Variants in SLC38A4 observed in about 807,000 individuals in gnomAD.
The protein encoded by SLC38A4 is solute carrier family 38 member 4, also known as sodium-coupled neutral amino acid transporter 4.
In SLC38A4, 20 loss-of-function variants were observed where a neutral mutation model predicts 63.1. The ratio of observed to expected loss-of-function variants is 0.32; its 90% confidence interval spans 0.22 to 0.46. SLC38A4 has a LOEUF of 0.46. SLC38A4 is among the 20% of genes least tolerant of loss of function. The pLI is 1.00. For missense variants in SLC38A4, 526 were observed against 663.6 expected, an observed-to-expected ratio of 0.79 and a Z score of 2.28; for synonymous variants, 230 against 225.5, an observed-to-expected ratio of 1.02 and a Z score of -0.18.
upstream of SLC38A4, among the ~76,000 whole-genome samples, chr12:46,826,198 T>C (rs1237240600): frequency 6.6e-6 from 1 of 152,210 alleles, no homozygotes; most frequent in Non-Finnish European, 1.5e-5. Context: ...TGTTATTAAA[T>C]TATGCCAAAA....
chr12:46,802,979 A>G (rs925429590), intron 2 of SLC38A4, among the ~76,000 whole-genome samples: 2 of 152,010 alleles, frequency 1.3e-5, no homozygotes, highest in Admixed American at 6.6e-5. Context: ...ATTCCATTCA[A>G]TTCCCTAGTT....
chr12:46,814,697 G>C (rs184099586), intron 1 of SLC38A4, among the ~76,000 whole-genome samples: 3 of 152,002 alleles, frequency 2.0e-5, no homozygotes, highest in Non-Finnish European at 2.9e-5. Context: ...TAATCATTAT[G>C]AATCAGTGCA....
In SLC38A4 at chr12:46,775,052, G is replaced by C. The variant is rs1938493772; in HGVS notation, c.1296C>G (p.Phe432Leu). ...CATCAAAGTCTTATGTACTTACTGG[G>C]AAGAGGACAATGGGCACAGTTAGTG... ...AVTLTVPIVLFPIRTSVITLL... is the reference protein window; with the variant it reads ...AVTLTVPIVLLPIRTSVITLL... Residue 432 changes from phenylalanine (F) to leucine (L), a missense_variant, in exon 14 of 17, where the codon TTC (phenylalanine) becomes TTG (leucine). Transcript: ENST00000266579. The C allele has an allele frequency of 6.2e-7, 1 of 1,612,208 alleles. No homozygotes were observed. Among genetic ancestry groups the C allele is most frequent in the African/African-American group, 1.3e-5 (1 of 74,802 alleles).
intron 14 of SLC38A4, among the ~76,000 whole-genome samples, chr12:46,773,490 T>A (rs1354010225): frequency 6.6e-5 from 10 of 152,132 alleles, no homozygotes; most frequent in Non-Finnish European, 2.9e-5. Context: ...TTAGTCATTT[T>A]TCTGAACTCT....
chr12:46,774,142 T>C (rs1446412106), intron 14 of SLC38A4, among the ~76,000 whole-genome samples: 2 of 152,086 alleles, frequency 1.3e-5, no homozygotes, highest in East Asian at 1.9e-4. Context: ...TCTGATTTCA[T>C]GCACTCATGA....
chr12:46,784,445 C>G (rs1390559894), intron 7 of SLC38A4, 97 bp downstream of exon 7: 1 of 789,196 alleles, frequency 1.3e-6, no homozygotes, highest in African/African-American at 1.8e-5. Context: ...AGCAATTTTT[C>G]TGTATCTAAA....
At position 46,778,888 on chromosome 12, in the gene SLC38A4, G is replaced by A. The variant is rs1938584192; in HGVS notation, c.718-112C>T. Reference sequence around the variant, plus strand: ...TGGGGGGTGAGGGAACTCAGTTAGGGATTCCTTTTAGACTAATGGACAAAG... The same window carrying A: ...TGGGGGGTGAGGGAACTCAGTTAGGAATTCCTTTTAGACTAATGGACAAAG... On this transcript the variant is annotated intron_variant, in intron 10 of 16. Coordinates refer to ENST00000266579, the MANE Select transcript of SLC38A4 (RefSeq NM_018018.5). 7.4e-6 allele frequency: 7 copies of A among 945,656 alleles called. No individual in the cohort carries two copies. In the South Asian group the frequency reaches 1.2e-4, roughly 16 times the overall value. The allele number at this position is 945,656 out of a possible 1,614,324, so 58.6% of individuals were successfully genotyped here. A position where few individuals can be genotyped will look rare whatever the true frequency, so the allele number is the denominator to read the frequency against.
Position 46,779,556 on chromosome 12 carries a change from C to T in SLC38A4, c.717+55G>A, listed in dbSNP as rs1938596747. ...AACAAAATGAGGACACTAATTTAGGCACAAAAAAACTCATGCTAACCAACC... is the reference window on the plus strand; with the variant it reads ...AACAAAATGAGGACACTAATTTAGGTACAAAAAAACTCATGCTAACCAACC... On this transcript the variant is annotated intron_variant, in intron 10 of 16. Transcript: ENST00000266579. 5.0e-6 allele frequency: 7 copies of T among 1,396,100 alleles called. No homozygotes were observed. In the Admixed American group the frequency reaches 1.3e-4, roughly 27 times the overall value. The allele number at this position is 1,396,100 out of a possible 1,614,324, so 86.5% of individuals were successfully genotyped here.
intron 1 of SLC38A4, among the ~76,000 whole-genome samples, chr12:46,807,575 T>A (rs1016466905): frequency 1.3e-5 from 2 of 152,052 alleles, no homozygotes; most frequent in African/African-American, 2.4e-5. Flanking sequence ...TCTTTTTTGA[T>A]GTCATTGTTT....
intron 12 of SLC38A4, 71 bp from the exon 13 acceptor site, chr12:46,777,075 T>A: frequency 1.6e-6 from 2 of 1,253,998 alleles, no homozygotes; most frequent in Middle Eastern, 1.9e-4. Context: ...AAAATGAAAA[T>A]AATAATAAAA....
At chr12:46,779,756 T>G (rs1486268070) in intron 9 of SLC38A4, 24 bp downstream of exon 9, 1 of 1,589,890 alleles carries the variant, frequency 6.3e-7, no homozygotes, top group Admixed American at 1.8e-5. Flanking sequence ...AATAAAAATA[T>G]TTCCAGTTAG....
intron 3 of SLC38A4, among the ~76,000 whole-genome samples, chr12:46,792,065 GC>G (rs1415391456): frequency 6.6e-6 from 1 of 152,106 alleles, no homozygotes; most frequent in Non-Finnish European, 1.5e-5. Flanking sequence ...GTGCAGAAGG[GC>G]TTTATCTAAG....
At chr12:46,773,386 A>G (rs1938458604) in intron 14 of SLC38A4, among the ~76,000 whole-genome samples, 1 of 152,110 alleles carries the variant, frequency 6.6e-6, no homozygotes. Context: ...CACAGATTAT[A>G]TAAATGTAAC....
chr12:46,831,522 G>C (rs1371901088), intron 1 of SLC38A4, among the ~76,000 whole-genome samples: 3 of 152,174 alleles, frequency 2.0e-5, no homozygotes, highest in African/African-American at 2.4e-5. Flanking sequence ...CGGGCAATCC[G>C]ACCGCGCGGT....
chr12:46,828,048 C>T (rs1261435880), upstream of SLC38A4, among the ~76,000 whole-genome samples: 1 of 152,180 alleles, frequency 6.6e-6, no homozygotes, highest in African/African-American at 2.4e-5. Context: ...CCCCAGCCTC[C>T]TCCCAAGCAT....
intron 1 of SLC38A4, among the ~76,000 whole-genome samples, chr12:46,815,633 ATATTTTAAGGGAATC>A (rs1269705399): frequency 1.3e-5 from 2 of 151,862 alleles, no homozygotes; most frequent in African/African-American, 4.8e-5. Flanking sequence ...TAGGCACACA[ATATTTTAAGGGAATC>A]TATTCATAAG....
At chr12:46,781,628 A>G (rs1938641485) in intron 7 of SLC38A4, among the ~76,000 whole-genome samples, 1 of 152,060 alleles carries the variant, frequency 6.6e-6, no homozygotes, top group Non-Finnish European at 1.5e-5. Flanking sequence ...CTTATGCCAA[A>G]TATCAACTAA....
At chr12:46,770,513 A>C (rs962102685) in intron 14 of SLC38A4, among the ~76,000 whole-genome samples, 11 of 152,054 alleles carry the variant, frequency 7.2e-5, no homozygotes, top group Non-Finnish European at 5.9e-5. Flanking sequence ...TAGGAATCTT[A>C]TCCTTCCCTT....
intron 14 of SLC38A4, among the ~76,000 whole-genome samples, chr12:46,772,083 G>A (rs1938428557): frequency 6.7e-6 from 1 of 148,516 alleles, no homozygotes; most frequent in Non-Finnish European, 1.5e-5. Context: ...CAATGTGAAG[G>A]TCAAAAATGT....
Sources: gnomAD v4.1 joint callset for allele counts (sites outside exome capture counted in the v4.1 genomes callset) on GRCh38, gnomAD v4.1.1 for gene constraint, MANE v1.5 for transcripts, NCBI Gene and HGNC (gene_info 2026-07-23, HGNC 2026-07-21) for gene names.